SYT1: variants seen among roughly 807,000 people sequenced by gnomAD.
SYT1 encodes the protein synaptotagmin-1.
SYT1 carries 8 observed loss-of-function variants against 44.8 expected under a neutral mutation model. The observed-to-expected ratio is 0.18, with a 90% CI of 0.10 to 0.32. SYT1 has a LOEUF of 0.32. Among genes scored for constraint, SYT1 ranks in the 10% least tolerant of loss-of-function variants. The probability of loss-of-function intolerance (pLI) is 1.00; values close to 1 mark genes in which losing one functional copy is unlikely to be tolerated. For missense variants in SYT1, 286 were observed against 509.3 expected, an observed-to-expected ratio of 0.56 and a Z score of 4.22; for synonymous variants, 154 against 188.8, an observed-to-expected ratio of 0.82 and a Z score of 1.51.
At chr12:79,394,512 A>G (rs1268742193) in intron 9 of SYT1, among the ~76,000 whole-genome samples, 1 of 152,230 alleles carries the variant, frequency 6.6e-6, no homozygotes, top group Non-Finnish European at 1.5e-5. Context: ...ATGTGAACCC[A>G]TTTAAGCTAA....
At chr12:79,003,925 A>T (rs1251863057) in intron 2 of SYT1, among the ~76,000 whole-genome samples, 1 of 151,962 alleles carries the variant, frequency 6.6e-6, no homozygotes, top group African/African-American at 2.4e-5. Context: ...GCATCTTGAA[A>T]AGTATCAATT....
intron 8 of SYT1, among the ~76,000 whole-genome samples, chr12:79,308,549 A>G (rs1447656000): frequency 6.7e-6 from 1 of 148,334 alleles, no homozygotes; most frequent in Non-Finnish European, 1.5e-5. Context: ...AGAAAGAAAG[A>G]AAAAAGAAAG....
chr12:78,899,698 G>A (rs1209751448), intron 1 of SYT1, among the ~76,000 whole-genome samples: 4 of 151,540 alleles, frequency 2.6e-5, no homozygotes, highest in African/African-American at 9.7e-5. Context: ...TGTTTAATAC[G>A]CAAACTTAGC....
intron 2 of SYT1, among the ~76,000 whole-genome samples, chr12:79,044,879 A>T (rs1010456219): frequency 6.6e-6 from 1 of 152,092 alleles, no homozygotes; most frequent in Admixed American, 6.6e-5. Flanking sequence ...CTGTTGGAGT[A>T]CGCTGCCGTG....
intron 3 of SYT1, among the ~76,000 whole-genome samples, chr12:79,178,983 TATATCTATATAG>T (rs1291576086): frequency 9.2e-6 from 1 of 108,500 alleles, no homozygotes; most frequent in African/African-American, 4.1e-5. Context: ...TAGATATAGA[TATATCTATATAG>T]ATATAGATAT....
chr12:78,947,114 T>C (rs1339931222), intron 1 of SYT1, among the ~76,000 whole-genome samples: 2 of 152,168 alleles, frequency 1.3e-5, no homozygotes, highest in South Asian at 4.1e-4. Context: ...TTAAGGTTGT[T>C]TGGATTTTTA....
intron 1 of SYT1, among the ~76,000 whole-genome samples, chr12:78,935,683 C>CT (rs1878014236): frequency 6.6e-6 from 1 of 151,908 alleles, no homozygotes; most frequent in South Asian, 2.1e-4. Flanking sequence ...GACAAACATG[C>CT]TTTTATATTC....
intron 4 of SYT1, among the ~76,000 whole-genome samples, chr12:79,263,708 C>T (rs1877964235): frequency 6.6e-6 from 1 of 152,126 alleles, no homozygotes; most frequent in African/African-American, 2.4e-5. Context: ...ACAGCTATCC[C>T]TTTTATTAAG....
intron 3 of SYT1, among the ~76,000 whole-genome samples, chr12:79,134,030 T>A (rs528027768): frequency 1.1e-3 from 163 of 152,322 alleles, no homozygotes; most frequent in African/African-American, 3.6e-3. Flanking sequence ...TTTCTGCCAC[T>A]CTTTCCAATA....
At chr12:79,282,492 T>A (rs1343189434) in intron 4 of SYT1, among the ~76,000 whole-genome samples, 1 of 152,206 alleles carries the variant, frequency 6.6e-6, no homozygotes, top group Non-Finnish European at 1.5e-5. Flanking sequence ...TATTATAAAC[T>A]TCCATGTAAT....
At chr12:79,326,123 T>G (rs1298175130) in intron 8 of SYT1, among the ~76,000 whole-genome samples, 1 of 152,212 alleles carries the variant, frequency 6.6e-6, no homozygotes. Context: ...CTGTGAATTT[T>G]AGCATAATTA....
At chr12:79,256,071 A>G (rs938292571) in intron 4 of SYT1, among the ~76,000 whole-genome samples, 6 of 152,216 alleles carry the variant, frequency 3.9e-5, no homozygotes, top group Non-Finnish European at 8.8e-5. Context: ...GGTGAGAGAT[A>G]AGGGCTCTGC....
At chr12:79,345,478 T>G (rs1403475055) in intron 8 of SYT1, among the ~76,000 whole-genome samples, 4 of 152,204 alleles carry the variant, frequency 2.6e-5, no homozygotes, top group African/African-American at 9.6e-5. Context: ...TAATTATTTT[T>G]TAATAAGAAA....
chr12:79,071,921 T>A lies in SYT1; in HGVS notation c.-18+24559T>A, dbSNP rs572901223. 1.3e-5 allele frequency among the ~76,000 whole-genome samples: 2 copies of A among 152,292 alleles called. 1 individual carries two copies. The highest frequency in any genetic ancestry group is 3.9e-4 in the East Asian group (2 of 5,186). ...GGGATTAGGACTTCAACATATCTTTTTAAGAGGCACAATTCAACACAAAAC... is the reference window on the plus strand; with the variant it reads ...GGGATTAGGACTTCAACATATCTTTATAAGAGGCACAATTCAACACAAAAC... On this transcript the variant is annotated intron_variant, in intron 3 of 10. Transcript: ENST00000261205.
At chr12:79,358,313 T>C (rs995133567) in intron 9 of SYT1, among the ~76,000 whole-genome samples, 8 of 152,222 alleles carry the variant, frequency 5.3e-5, no homozygotes, top group Non-Finnish European at 1.0e-4. Context: ...ATCTATTCCG[T>C]AGAAATTCTG....
At chr12:79,293,329 A>G (rs1189046584) in intron 6 of SYT1, among the ~76,000 whole-genome samples, 1 of 3,760 alleles carries the variant, frequency 2.7e-4, no homozygotes, top group African/African-American at 1.9e-3. Flanking sequence ...ATCTCAAAAA[A>G]TAAAATAAAA....
intron 4 of SYT1, among the ~76,000 whole-genome samples, chr12:79,239,503 C>A (rs1876377404): frequency 6.6e-6 from 1 of 152,038 alleles, no homozygotes; most frequent in South Asian, 2.1e-4. Context: ...AATAAATGTG[C>A]CATATTAATG....
At chr12:78,942,804 C>T (rs1454441130) in intron 1 of SYT1, among the ~76,000 whole-genome samples, 4 of 152,086 alleles carry the variant, frequency 2.6e-5, no homozygotes, top group Non-Finnish European at 4.4e-5. Flanking sequence ...CAGGCTGAGC[C>T]GAGGGTCGAC....
intron 9 of SYT1, among the ~76,000 whole-genome samples, chr12:79,386,074 C>A (rs1884422947): frequency 6.6e-6 from 1 of 152,208 alleles, no homozygotes; most frequent in African/African-American, 2.4e-5. Context: ...TAAACCAACA[C>A]TGGCTCATCT....
Sources: allele counts gnomAD v4.1 joint callset (sites outside exome capture counted in the v4.1 genomes callset), GRCh38; gene constraint gnomAD v4.1.1; transcripts MANE v1.5; gene names NCBI Gene and HGNC (gene_info 2026-07-23, HGNC 2026-07-21).